Variants in SUPT6H observed in about 807,000 individuals in gnomAD.
SUPT6H encodes SPT6 homolog, histone chaperone and transcription elongation factor.
Under a neutral mutation model 222.3 loss-of-function variants are expected in SUPT6H, and 11 were observed. The observed-to-expected ratio is 0.05, with a 90% confidence interval of 0.03 to 0.08. The LOEUF (loss-of-function observed/expected upper bound fraction) is 0.08, where lower values mean the gene tolerates loss of function less well. SUPT6H is among the 10% of genes least tolerant of loss of function. SUPT6H has a pLI of 1.00. For synonymous variants in SUPT6H, 762 were observed against 801.2 expected, an observed-to-expected ratio of 0.95 and a Z score of 0.83; for missense variants, 1,422 against 2,216.0, an observed-to-expected ratio of 0.64 and a Z score of 7.19.
intron 26 of SUPT6H, among the ~76,000 whole-genome samples, chr17:28,690,579 A>G (rs2031594169): frequency 6.6e-6 from 1 of 152,192 alleles, no homozygotes; most frequent in East Asian, 1.9e-4. Context: ...GTTCGAGACC[A>G]GTCTGGGCAA....
At chr17:28,693,609 A>T (rs1433394172) in intron 27 of SUPT6H, 87 bp from the exon 28 acceptor site, 1 of 1,521,008 alleles carries the variant, frequency 6.6e-7, no homozygotes, top group African/African-American at 1.4e-5. Context: ...ATGGTAAAAG[A>T]AATTACAACA....
chr17:28,683,687 C>G lies in SUPT6H; in HGVS notation c.2100C>G (p.His700Gln). 1 of 1,614,150 alleles carries G rather than the reference C, an allele frequency of 6.2e-7. No homozygotes were observed. The highest frequency in any genetic ancestry group is 8.5e-7 in the Non-Finnish European group (1 of 1,180,030). Residue 700 changes from histidine (H) to glutamine (Q), a missense_variant, in exon 17 of 37, where the codon CAC becomes CAG. By Grantham distance (24) the His-to-Gln change is conservative. This residue lies in a region of SUPT6H where 5 missense variants were observed against 25.8 expected (regional missense o/e 0.19). Transcript: ENST00000314616. ...KQFYYRDEFSHQVQEWNRQRT... is the reference protein window; with the variant it reads ...KQFYYRDEFSQQVQEWNRQRT... Reference sequence around the variant, plus strand: ...TTTACTACCGAGATGAGTTCAGCCACCAGGTGCAGGAGTGGAACCGGCAGC... The same window carrying G: ...TTTACTACCGAGATGAGTTCAGCCAGCAGGTGCAGGAGTGGAACCGGCAGC...
chr17:28,667,845 C>T (rs1358714572), intron 1 of SUPT6H, among the ~76,000 whole-genome samples: 2 of 151,088 alleles, frequency 1.3e-5, no homozygotes, highest in Non-Finnish European at 1.5e-5. Flanking sequence ...TGAACTCCAC[C>T]GGGGTAGGAA....
intron 11 of SUPT6H, among the ~76,000 whole-genome samples, chr17:28,679,767 G>A (rs145952611): frequency 5.4e-4 from 82 of 151,796 alleles, no homozygotes; most frequent in African/African-American, 1.8e-3. Flanking sequence ...CAGGGCGGGC[G>A]GGTCATGAGG....
intron 24 of SUPT6H, chr17:28,689,100 C>T: frequency 2.3e-6 from 1 of 428,700 alleles, no homozygotes. Context: ...CATTTACTAA[C>T]TACCCATTTA....
intron 24 of SUPT6H, 80 bp from the exon 25 acceptor site, chr17:28,689,274 A>G (rs1316660293): frequency 3.0e-6 from 4 of 1,346,854 alleles, no homozygotes; most frequent in Non-Finnish European, 4.2e-6. Context: ...TTATTTAACC[A>G]GTTCCCCATT....
At chr17:28,665,983 A>G (rs965233491) in intron 1 of SUPT6H, among the ~76,000 whole-genome samples, 2 of 152,170 alleles carry the variant, frequency 1.3e-5, no homozygotes, top group African/African-American at 4.8e-5. Context: ...AAACCCTGCA[A>G]TGGCTTCCCA....
chr17:28,699,817 G>A lies in SUPT6H; in HGVS notation c.4485G>A (p.Arg1495=). ...EYVTVTPEGF[R]YRGQIFPTVN... ...TAACGGTGACTCCAGAGGGATTCCG[G>A]TACCGGGGCCAGATCTTCCCAACCG... is the stretch of plus-strand genomic sequence containing the variant. The change falls in exon 33 of 37, where the codon CGG becomes CGA. Residue 1495 remains arginine (R), a synonymous_variant. Coordinates refer to ENST00000314616, the MANE Select transcript of SUPT6H (RefSeq NM_003170.5). 1.2e-6 allele frequency: 2 copies of A among 1,614,194 alleles called. No homozygotes were observed. The highest frequency in any genetic ancestry group is 1.7e-6 in the Non-Finnish European group (2 of 1,180,032).
chr17:28,670,426 C>A (rs2030344819), intron 1 of SUPT6H: 1 of 152,128 alleles, frequency 6.6e-6, no homozygotes, highest in Admixed American at 6.5e-5. Flanking sequence ...GCTTAAAATA[C>A]CCAAGAGAGA....
chr17:28,696,761 A>C, intron 29 of SUPT6H, 83 bp from the exon 30 acceptor site: 1 of 1,278,248 alleles, frequency 7.8e-7, no homozygotes, highest in Non-Finnish European at 1.1e-6. Context: ...ATAAATAAAT[A>C]AGAAATGAAG....
At chr17:28,669,242 G>A (rs576134452) in intron 1 of SUPT6H, among the ~76,000 whole-genome samples, 2 of 152,014 alleles carry the variant, frequency 1.3e-5, no homozygotes, top group African/African-American at 4.8e-5. Context: ...TCTCACTGTC[G>A]GTGCAGTAGC....
chr17:28,671,231 C>A, intron 1 of SUPT6H: 1 of 152,232 alleles, frequency 6.6e-6, no homozygotes, highest in South Asian at 2.1e-4. Flanking sequence ...AATATGAAAA[C>A]GTAAGTAGTT....
chr17:28,682,880 CAGG>C (rs1286367823), intron 14 of SUPT6H, 24 bp downstream of exon 14: 7 of 1,613,940 alleles, frequency 4.3e-6, no homozygotes, highest in African/African-American at 4.0e-5. Context: ...AGGTGGCTGA[CAGG>C]AGGAGGGGCC....
chr17:28,676,254 G>C lies in SUPT6H; in HGVS notation c.721G>C (p.Glu241Gln). 6.2e-7 allele frequency: 1 copy of C among 1,613,988 alleles called. No individual in the cohort carries two copies. Among genetic ancestry groups the C allele is most frequent in the Non-Finnish European group, 8.5e-7 (1 of 1,179,986 alleles). ...EYDEELEEEY[E>Q]YEDDEAEGEI... ...TGATGAAGAACTGGAGGAAGAGTAT[G>C]AGTATGAGGATGATGAGGCTGAGGG... is the stretch of plus-strand genomic sequence containing the variant. The change falls in exon 7 of 37, where the codon GAG (glutamate) becomes CAG (glutamine). Residue 241 changes from glutamate (E) to glutamine (Q), a missense_variant. Glu to Gln is a conservative substitution (Grantham distance 29). Coordinates refer to ENST00000314616, the MANE Select transcript of SUPT6H (RefSeq NM_003170.5).
In SUPT6H at chr17:28,693,815, G is replaced by A. The variant is rs1396957149; in HGVS notation, c.3753G>A (p.Lys1251=). 1.9e-6 allele frequency: 3 copies of A among 1,614,122 alleles called. No homozygotes were observed. The East Asian group carries it at 6.7e-5, about 36-fold the overall frequency. The change falls in exon 28 of 37, where the codon AAG becomes AAA. Residue 1251 remains lysine (K), a synonymous_variant. Transcript: ENST00000314616. ...AATTCCTCAGTGACAAAGTGGTAAA[G>A]CGGCCAGAAGAACGAGTGAAGGTAG... ...PTKFLSDKVV[K]RPEERVKVGM...
At chr17:28,665,654 T>C (rs2029969508) in intron 1 of SUPT6H, among the ~76,000 whole-genome samples, 1 of 152,060 alleles carries the variant, frequency 6.6e-6, no homozygotes, top group Non-Finnish European at 1.5e-5. Context: ...TCCCAGCTAC[T>C]TGGGAGGCTG....
chr17:28,674,844 G>A (rs867355258), intron 4 of SUPT6H, 126 bp from the exon 5 acceptor site: 21 of 1,214,584 alleles, frequency 1.7e-5, no homozygotes, highest in Middle Eastern at 2.4e-4. Flanking sequence ...AGCATCACTC[G>A]GCATGTTCTT....
intron 32 of SUPT6H, among the ~76,000 whole-genome samples, chr17:28,698,282 C>G (rs1376168222): frequency 6.6e-6 from 1 of 152,342 alleles, no homozygotes; most frequent in South Asian, 2.1e-4. Context: ...CCTCTCCCTC[C>G]CACAGAGTGA....
intron 36 of SUPT6H, 74 bp downstream of exon 36, chr17:28,701,202 C>CAG: frequency 6.6e-7 from 1 of 1,522,874 alleles, no homozygotes; most frequent in South Asian, 1.2e-5. Flanking sequence ...AAAGGCTTAG[C>CAG]AGAGGCAGGT....
Sources: gnomAD v4.1 joint callset for allele counts (sites outside exome capture counted in the v4.1 genomes callset) on GRCh38, gnomAD v4.1.1 for gene constraint, gnomAD v4.1.1 regional missense constraint, MANE v1.5 for transcripts, NCBI Gene and HGNC (gene_info 2026-07-23, HGNC 2026-07-21) for gene names.